Variants in SPATA13 observed in about 807,000 individuals in gnomAD.
The protein encoded by SPATA13 is spermatogenesis-associated protein 13.
In SPATA13, 50 loss-of-function variants were observed where a neutral mutation model predicts 104.0. The observed-to-expected ratio is 0.48, with a 90% confidence interval of 0.38 to 0.61. SPATA13 has a LOEUF of 0.61. SPATA13 is among the 20% of genes least tolerant of loss of function. The pLI is 0.00. For missense variants in SPATA13, 1,524 were observed against 1,690.6 expected (o/e 0.90, Z 1.73); for synonymous variants, 606 against 667.5 (o/e 0.91, Z 1.42).
At chr13:23,992,482 A>G (rs1230763559) in intron 2 of SPATA13, among the ~76,000 whole-genome samples, 2 of 152,168 alleles carry the variant, frequency 1.3e-5, no homozygotes, top group Non-Finnish European at 2.9e-5. Flanking sequence ...GTGGTGGTGG[A>G]TGGCTCTGCT....
At position 24,223,912 on chromosome 13, in the gene SPATA13, CTG is replaced by C; in HGVS notation, c.984_985del (p.Glu329GlyfsTer9). ...GTCTTCAAACTTGTGAGCAATGTGACTGAGGCTGCCTGGAGGAGGGAGAGTCC... is the reference window on the plus strand; with the variant it reads ...GTCTTCAAACTTGTGAGCAATGTGACAGGCTGCCTGGAGGAGGGAGAGTCC... On this transcript the variant is annotated frameshift_variant, in exon 2 of 13. Coordinates refer to ENST00000382108, the MANE Select transcript of SPATA13 (RefSeq NM_001166271.3). LOFTEE classifies it high-confidence loss of function. The C allele has an allele frequency of 1.3e-6, 2 of 1,551,620 alleles. No homozygotes were observed. Among genetic ancestry groups the C allele is most frequent in the Non-Finnish European group, 1.7e-6 (2 of 1,146,968 alleles).
intron 2 of SPATA13, among the ~76,000 whole-genome samples, chr13:24,013,948 G>C (rs190790988): frequency 1.4e-4 from 21 of 152,290 alleles, no homozygotes; most frequent in Non-Finnish European, 2.8e-4. Context: ...TTAAGCTGTT[G>C]TGCTGTACTG....
Position 24,223,688 on chromosome 13 carries a change from G to A in SPATA13, c.759G>A (p.Lys253=). The A allele has an allele frequency of 6.4e-7, 1 of 1,552,232 alleles. No homozygotes were observed. Among genetic ancestry groups the A allele is most frequent in the Non-Finnish European group, 8.7e-7 (1 of 1,147,120 alleles). Residue 253 remains lysine (K), a synonymous_variant, in exon 2 of 13, where the codon AAG becomes AAA. Coordinates refer to ENST00000382108, the MANE Select transcript of SPATA13 (RefSeq NM_001166271.3). Reference sequence around the variant, plus strand: ...ACAGCATGGGCTACAGGAGGAGCAAGAGCACGGACAATCTTGCCTTTCTGA... The same window carrying A: ...ACAGCATGGGCTACAGGAGGAGCAAAAGCACGGACAATCTTGCCTTTCTGA... ...ENNSMGYRRS[K]STDNLAFLKK... is the part of the protein sequence containing the mutation.
intron 2 of SPATA13, among the ~76,000 whole-genome samples, chr13:23,987,935 A>G (rs1306739398): frequency 6.7e-6 from 1 of 150,358 alleles, no homozygotes; most frequent in Non-Finnish European, 1.5e-5. Flanking sequence ...ATATGTCAGA[A>G]TTTTGTTTCT....
At chr13:24,026,625 C>T (rs993649820) in intron 3 of SPATA13, among the ~76,000 whole-genome samples, 12 of 152,106 alleles carry the variant, frequency 7.9e-5, no homozygotes, top group Admixed American at 5.9e-4. Context: ...TCACCCAGGC[C>T]GGAGTGCAGT....
chr13:24,164,576 AG>A (rs1006370134), intron 1 of SPATA13, among the ~76,000 whole-genome samples: 2 of 152,178 alleles, frequency 1.3e-5, no homozygotes, highest in African/African-American at 4.8e-5. Context: ...TCTGTGGTTT[AG>A]GTGAGGATGG....
At chr13:24,106,089 A>T (rs764918712) in intron 3 of SPATA13, among the ~76,000 whole-genome samples, 1 of 152,218 alleles carries the variant, frequency 6.6e-6, no homozygotes, top group Non-Finnish European at 1.5e-5. Flanking sequence ...GCTGGAGTGC[A>T]GTGGCACAAT....
rs548763132 is a variant in SPATA13 at position 24,120,292 on chromosome 13, G to A, written c.-111-102527G>A. Among the ~76,000 whole-genome samples the A allele has an allele frequency of 3.3e-5, 5 of 152,328 alleles. No homozygotes were observed. The East Asian group carries it at 9.6e-4, about 29-fold the overall frequency. On this transcript the variant is annotated intron_variant, in intron 3 of 14. Transcript: ENST00000424834. ...TAACTACAGGGAAACACTGCAGACT[G>A]TGAAAGACCCACGTCTTTGCCAAGC... is the stretch of plus-strand genomic sequence containing the variant.
Position 24,013,663 on chromosome 13 carries a change from C to T in SPATA13, c.-146-4004C>T, listed in dbSNP as rs115818493. Among the ~76,000 whole-genome samples, 995 of 152,010 alleles carry T rather than the reference C, an allele frequency of 6.5e-3. 10 individuals are homozygous for T. The highest frequency in any genetic ancestry group is 0.023 in the African/African-American group (951 of 41,458). ...CTACACCCATCGCTTTCATTCCTTA[C>T]CACCCACTTGCTCCTTGTCCCTTAC... On this transcript the variant is annotated intron_variant, in intron 2 of 14. Coordinates refer to the SPATA13 transcript ENST00000424834.
intron 3 of SPATA13, among the ~76,000 whole-genome samples, chr13:24,064,186 A>G (rs1878871131): frequency 6.6e-6 from 1 of 152,154 alleles, no homozygotes; most frequent in Non-Finnish European, 1.5e-5. Context: ...GTCACAGATC[A>G]CTTAATGCGT....
intron 2 of SPATA13, among the ~76,000 whole-genome samples, chr13:24,230,688 A>G (rs190384317): frequency 1.8e-3 from 268 of 152,338 alleles, no homozygotes; most frequent in Middle Eastern, 0.017. Context: ...GGCTTTGTAT[A>G]TAAGTTTCTA....
intron 4 of SPATA13, among the ~76,000 whole-genome samples, chr13:24,279,464 G>A (rs943500193): frequency 2.0e-5 from 3 of 152,198 alleles, no homozygotes; most frequent in Non-Finnish European, 4.4e-5. Flanking sequence ...GCCGGGGGCA[G>A]GGGTGGCAGC....
At chr13:24,170,249 T>C (rs1882912963) in intron 1 of SPATA13, among the ~76,000 whole-genome samples, 1 of 152,134 alleles carries the variant, frequency 6.6e-6, no homozygotes, top group Admixed American at 6.5e-5. Flanking sequence ...AGGGCTACTT[T>C]TAAGCCTGCT....
At chr13:24,155,025 T>C (rs1354816477) in intron 3 of SPATA13, among the ~76,000 whole-genome samples, 2 of 152,088 alleles carry the variant, frequency 1.3e-5, no homozygotes, top group Non-Finnish European at 2.9e-5. Context: ...GCCCAGCTGG[T>C]TTTTGTGTTT....
chr13:24,266,360 C>G (rs1202249695), intron 4 of SPATA13, among the ~76,000 whole-genome samples: 4 of 152,206 alleles, frequency 2.6e-5, no homozygotes, highest in Admixed American at 6.5e-5. Context: ...TCATAGCTCA[C>G]TGCAGCCTCG....
chr13:24,249,323 C>A (rs1191618444), intron 2 of SPATA13, among the ~76,000 whole-genome samples, 154 bp from the exon 3 acceptor site: 1 of 152,190 alleles, frequency 6.6e-6, no homozygotes, highest in Non-Finnish European at 1.5e-5. Flanking sequence ...TTGGTTGTGT[C>A]TTCATGTTCT....
intron 1 of SPATA13, among the ~76,000 whole-genome samples, chr13:24,184,578 C>T (rs1317669955): frequency 1.3e-5 from 2 of 152,010 alleles, no homozygotes; most frequent in Admixed American, 6.6e-5. Flanking sequence ...TTTTTTTTCT[C>T]TCTGATGTGT....
chr13:24,178,150 G>A (rs763095899), intron 1 of SPATA13, among the ~76,000 whole-genome samples: 5 of 152,064 alleles, frequency 3.3e-5, no homozygotes, highest in Non-Finnish European at 7.4e-5. Flanking sequence ...CACCATACCC[G>A]GCTTGATTGT....
rs1378232708 is a variant in SPATA13, at chr13:24,223,930, G to A, written c.1001G>A (p.Arg334Lys). The change falls in exon 2 of 13, where the codon AGG (arginine) becomes AAG (lysine). Residue 334 changes from arginine to lysine, a missense_variant. Transcript: ENST00000382108. ...AATGTGACTGAGGCTGCCTGGAGGA[G>A]GGAGAGTCCTAGGAGTGGGGCCCCA... Reference protein sequence around the residue: ...VSNVTEAAWRRESPRSGAPSP... With the variant: ...VSNVTEAAWRKESPRSGAPSP... 2 of 1,551,468 alleles carry A rather than the reference G, an allele frequency of 1.3e-6. No individual in the cohort carries two copies. The highest frequency in any genetic ancestry group is 1.7e-6 in the Non-Finnish European group (2 of 1,146,898).
Sources: allele counts gnomAD v4.1 joint callset (sites outside exome capture counted in the v4.1 genomes callset), GRCh38; gene constraint gnomAD v4.1.1; transcripts MANE v1.5; gene names NCBI Gene and HGNC (gene_info 2026-07-23, HGNC 2026-07-21).